RBFOX1: variants seen among roughly 807,000 people sequenced by gnomAD.
The protein encoded by RBFOX1 is RNA binding protein fox-1 homolog 1.
In RBFOX1, 8 loss-of-function variants were observed where a neutral mutation model predicts 57.7. The ratio of observed to expected loss-of-function variants is 0.14; its 90% CI spans 0.08 to 0.25. The LOEUF is 0.25. Ranked by LOEUF, RBFOX1 falls within the 10% of genes least tolerant of loss-of-function variation. RBFOX1 has a pLI of 1.00. For synonymous variants in RBFOX1, 326 were observed against 222.4 expected (o/e 1.47, Z -4.15); for missense variants, 611 against 548.5 (o/e 1.11, Z -1.14).
At chr16:6,247,142 A>G (rs1181808025) in intron 1 of RBFOX1, among the ~76,000 whole-genome samples, 1 of 152,224 alleles carries the variant, frequency 6.6e-6, no homozygotes, top group Non-Finnish European at 1.5e-5. Flanking sequence ...GGTTTAGATC[A>G]GAAATGATAT....
At chr16:5,323,113 A>G (rs1294284246) in intron 1 of RBFOX1, among the ~76,000 whole-genome samples, 2 of 152,216 alleles carry the variant, frequency 1.3e-5, no homozygotes, top group Non-Finnish European at 2.9e-5. Context: ...ATAAGGATCA[A>G]GTGATTTAAT....
chr16:7,166,988 T>TTTTTTTTTTTTG (rs2079674075), intron 4 of RBFOX1, among the ~76,000 whole-genome samples: 1 of 121,958 alleles, frequency 8.2e-6, no homozygotes, highest in Non-Finnish European at 1.7e-5. Context: ...TTTTTTTTTT[T>TTTTTTTTTTTTG]TTTTTTTTTT....
intron 3 of RBFOX1, among the ~76,000 whole-genome samples, chr16:5,732,388 A>G (rs548337633): frequency 6.6e-6 from 1 of 152,344 alleles, no homozygotes; most frequent in South Asian, 2.1e-4. Flanking sequence ...CAGAAGGCTC[A>G]AAGCAACTCA....
intron 1 of RBFOX1, among the ~76,000 whole-genome samples, chr16:5,296,121 T>G (rs978316454): frequency 1.3e-5 from 2 of 152,240 alleles, no homozygotes; most frequent in African/African-American, 4.8e-5. Flanking sequence ...GACGCCTTCT[T>G]CATTCAGCCT....
chr16:6,875,508 A>G (rs917456562), intron 3 of RBFOX1, among the ~76,000 whole-genome samples: 1 of 152,196 alleles, frequency 6.6e-6, no homozygotes, highest in African/African-American at 2.4e-5. Context: ...GTATACATCA[A>G]TTCAGTGCTC....
intron 3 of RBFOX1, among the ~76,000 whole-genome samples, chr16:5,732,513 G>A (rs2052415769): frequency 1.3e-5 from 2 of 152,176 alleles, no homozygotes; most frequent in South Asian, 4.1e-4. Context: ...AGAGATGGCT[G>A]CAAGACATAG....
chr16:5,756,238 A>AC (rs1231224216), intron 3 of RBFOX1, among the ~76,000 whole-genome samples: 2 of 150,858 alleles, frequency 1.3e-5, no homozygotes, highest in Admixed American at 6.6e-5. Flanking sequence ...AAAAAAAAAA[A>AC]AAAAAAAAAA....
At chr16:6,336,108 A>C (rs1330437944) in intron 2 of RBFOX1, among the ~76,000 whole-genome samples, 1 of 139,828 alleles carries the variant, frequency 7.2e-6, no homozygotes, top group African/African-American at 2.5e-5. Context: ...GCAAATAAGA[A>C]GGCTTAAATA....
rs2068610519 is a variant in RBFOX1 at position 6,731,597 on chromosome 16, A to G, written c.-16+76947A>G. 2.6e-5 allele frequency among the ~76,000 whole-genome samples: 4 copies of G among 152,168 alleles called. No homozygotes were observed. In the South Asian group the frequency reaches 8.3e-4, roughly 32 times the overall value. ...TGAGGCAATTAATACTCCAGGGAAT[A>G]GCCCTTAACTAATGGCTCTTGGGAG... On this transcript the variant is annotated intron_variant, in intron 3 of 15. Transcript: ENST00000550418.
At chr16:5,698,246 C>T (rs1396704354) in intron 3 of RBFOX1, among the ~76,000 whole-genome samples, 2 of 152,026 alleles carry the variant, frequency 1.3e-5, no homozygotes, top group African/African-American at 4.8e-5. Context: ...ATACTACCCC[C>T]AGTGAGTCAT....
intron 4 of RBFOX1, among the ~76,000 whole-genome samples, chr16:5,995,072 G>A (rs2060468462): frequency 6.6e-6 from 1 of 152,170 alleles, no homozygotes; most frequent in African/African-American, 2.4e-5. Flanking sequence ...GTTCCAAATA[G>A]ATGAGTTCTG....
At chr16:7,581,924 C>T (rs2093796642) in intron 6 of RBFOX1, among the ~76,000 whole-genome samples, 1 of 151,882 alleles carries the variant, frequency 6.6e-6, no homozygotes, top group Admixed American at 6.6e-5. Flanking sequence ...AATTTGTTGT[C>T]CAGGCTGCTC....
intron 1 of RBFOX1, among the ~76,000 whole-genome samples, chr16:6,300,067 T>A (rs114039004): frequency 0.013 from 1,909 of 152,328 alleles, 40 homozygotes; most frequent in African/African-American, 0.044. Context: ...GAGGTCATTA[T>A]GTTAAGTAAA....
chr16:6,888,864 T>C (rs1321610742), intron 3 of RBFOX1, among the ~76,000 whole-genome samples: 2 of 152,328 alleles, frequency 1.3e-5, no homozygotes, highest in East Asian at 3.9e-4. Context: ...CATCCCTCTT[T>C]ATCCCCTCCT....
intron 2 of RBFOX1, among the ~76,000 whole-genome samples, chr16:6,519,078 C>T (rs1224248356): frequency 6.6e-6 from 1 of 151,528 alleles, no homozygotes; most frequent in East Asian, 2.0e-4. Flanking sequence ...GAAGCTGCCA[C>T]CCATCGTATG....
At chr16:5,569,280 A>G (rs958160232) in intron 2 of RBFOX1, among the ~76,000 whole-genome samples, 6 of 148,396 alleles carry the variant, frequency 4.0e-5, no homozygotes, top group African/African-American at 1.5e-4. Flanking sequence ...GAGTCAGCAG[A>G]GGGGCTTTGA....
intron 2 of RBFOX1, among the ~76,000 whole-genome samples, chr16:6,571,645 G>C (rs973252443): frequency 6.6e-6 from 1 of 152,064 alleles, no homozygotes; most frequent in African/African-American, 2.4e-5. Flanking sequence ...AGAATCTTGG[G>C]GTTCTCTTGA....
intron 4 of RBFOX1, among the ~76,000 whole-genome samples, chr16:7,080,743 C>T (rs193269727): frequency 6.6e-6 from 1 of 152,114 alleles, no homozygotes; most frequent in Non-Finnish European, 1.5e-5. Context: ...ATAGTTCAAC[C>T]CTCTCCATCT....
At chr16:7,133,584 C>A (rs1161956374) in intron 4 of RBFOX1, among the ~76,000 whole-genome samples, 1 of 152,070 alleles carries the variant, frequency 6.6e-6, no homozygotes, top group Admixed American at 6.6e-5. Flanking sequence ...AAGATACACA[C>A]ATGATTAATA....
Sources: gnomAD v4.1 joint callset for allele counts (sites outside exome capture counted in the v4.1 genomes callset) on GRCh38, gnomAD v4.1.1 for gene constraint, MANE v1.5 for transcripts, NCBI Gene and HGNC (gene_info 2026-07-23, HGNC 2026-07-21) for gene names.